Variants in DHX40 observed in about 807,000 individuals in gnomAD.
DHX40 encodes DEAH-box helicase 40.
A neutral mutation model predicts 89.6 loss-of-function variants in DHX40; 28 were observed. That is an observed-to-expected ratio of 0.31 (90% CI 0.23 to 0.43). The LOEUF is 0.43. DHX40 is among the 20% of genes least tolerant of loss of function. DHX40 has a pLI of 1.00. For missense variants in DHX40, 457 were observed against 844.0 expected (o/e 0.54, Z 5.68); for synonymous variants, 226 against 283.6 (o/e 0.80, Z 2.04).
At chr17:59,588,734 A>G (rs1159457727) in intron 12 of DHX40, among the ~76,000 whole-genome samples, 1 of 152,138 alleles carries the variant, frequency 6.6e-6, no homozygotes, top group African/African-American at 2.4e-5. Flanking sequence ...TTTATCTTCT[A>G]ATTGTTTTGA....
rs879820123 is a variant in DHX40, at chr17:59,587,368, C to T, written c.1425-528C>T. On this transcript the variant is annotated intron_variant, in intron 11 of 17. Transcript: ENST00000251241. ...CCTCCCAGGTAGCTGGGATTATAGG[C>T]ATGCACCACCATGCCCAGGTAATTT... 1.9e-4 allele frequency among the ~76,000 whole-genome samples: 28 copies of T among 150,162 alleles called. 1 individual carries two copies. The highest frequency in any genetic ancestry group is 3.4e-3 in the Middle Eastern group (1 of 292).
chr17:59,604,862 G>A (rs2030748162), intron 15 of DHX40: 1 of 367,568 alleles, frequency 2.7e-6, no homozygotes, highest in Admixed American at 4.1e-5. Flanking sequence ...ATAGATTATT[G>A]TTAATATTTG....
chr17:59,589,325 C>T (rs997885365), intron 12 of DHX40, among the ~76,000 whole-genome samples: 6 of 148,262 alleles, frequency 4.0e-5, no homozygotes, highest in East Asian at 2.1e-4. Flanking sequence ...AGATTCGTGC[C>T]GTTCTCTCGC....
At chr17:59,569,713 A>ATATATATAT (rs1023168897) in intron 2 of DHX40, among the ~76,000 whole-genome samples, 2 of 128,182 alleles carry the variant, frequency 1.6e-5, no homozygotes, top group African/African-American at 7.8e-5. Flanking sequence ...ATATATATCT[A>ATATATATAT]TATATATATA....
Position 59,594,129 on chromosome 17 carries a change from AC to A in DHX40, c.1583-4607del, listed in dbSNP as rs563585942. On this transcript the variant is annotated intron_variant, in intron 12 of 17. Coordinates refer to ENST00000251241, the MANE Select transcript of DHX40 (RefSeq NM_024612.5). ...AGAAGGCACAGCTTTGGGCATGAGA[AC>A]AATCTTCTAGAACACCAGGAAGACT... Among the ~76,000 whole-genome samples the A allele has an allele frequency of 1.9e-3, 285 of 152,140 alleles. 1 individual carries two copies. Among genetic ancestry groups the A allele is most frequent in the African/African-American group, 6.6e-3 (273 of 41,494 alleles).
intron 12 of DHX40, among the ~76,000 whole-genome samples, chr17:59,591,205 C>T (rs2049077173): frequency 6.6e-6 from 1 of 151,526 alleles, no homozygotes; most frequent in Non-Finnish European, 1.5e-5. Context: ...ACTGGGGAGG[C>T]TGAGGCGGAG....
rs1331102900 is a variant in DHX40, at chr17:59,575,400, A to G, written c.902A>G (p.Tyr301Cys). ...TTTCAGATGGCAGAGTCTGTTGATT[A>G]TGATTATGATGTTCAAGATACCACC... Reference protein sequence around the residue: ...LLFQMAESVDYDYDVQDTTLD... With the variant: ...LLFQMAESVDCDYDVQDTTLD... The change falls in exon 7 of 18, where the codon TAT becomes TGT. Residue 301 changes from tyrosine (Y) to cysteine (C), a missense_variant. By Grantham distance (194) the Tyr-to-Cys change is radical. Around this residue, in one of 9 missense-constraint regions of DHX40, gnomAD observed 116 missense variants for 188.9 expected, o/e 0.61. Transcript: ENST00000251241. 1.4e-5 allele frequency: 23 copies of G among 1,611,436 alleles called. No individual in the cohort carries two copies. The highest frequency in any genetic ancestry group is 2.0e-5 in the Non-Finnish European group (23 of 1,179,028).
intron 10 of DHX40, among the ~76,000 whole-genome samples, chr17:59,585,863 C>CAT (rs769430880): frequency 0.019 from 2,824 of 149,416 alleles, 41 homozygotes; most frequent in Non-Finnish European, 0.032. Context: ...GTAGACTTGA[C>CAT]AGGCTGTGAA....
At chr17:59,592,663 C>T (rs1296585090) in intron 12 of DHX40, among the ~76,000 whole-genome samples, 1 of 137,760 alleles carries the variant, frequency 7.3e-6, no homozygotes, top group Non-Finnish European at 1.6e-5. Context: ...CTGCAACCTT[C>T]ACTTCCTGGG....
chr17:59,600,605 G>C (rs529301065), intron 14 of DHX40, among the ~76,000 whole-genome samples: 11 of 152,110 alleles, frequency 7.2e-5, no homozygotes, highest in Non-Finnish European at 1.5e-4. Flanking sequence ...CCAATGCTTT[G>C]GGAGGACGAA....
chr17:59,570,210 AT>A lies in DHX40; in HGVS notation c.281-306del, dbSNP rs2048783045. On this transcript the variant is annotated intron_variant, in intron 2 of 17. Coordinates refer to ENST00000251241, the MANE Select transcript of DHX40 (RefSeq NM_024612.5). Reference sequence around the variant, plus strand: ...TAATATATAATATATTATAATATATATTATATATTAAATATATATTAGTATA... The same window carrying A: ...TAATATATAATATATTATAATATATATATATATTAAATATATATTAGTATA... Among the ~76,000 whole-genome samples the A allele has an allele frequency of 3.2e-5, 4 of 123,188 alleles. No homozygotes were observed. In the East Asian group the frequency reaches 8.1e-4, roughly 25 times the overall value. 80.8% of individuals were successfully genotyped at this position (123,188 alleles called of 152,430 possible). A position where few individuals can be genotyped will look rare whatever the true frequency, so the allele number is the denominator to read the frequency against.
Position 59,599,492 on chromosome 17 carries a change from C to T in DHX40, c.1806+9C>T, listed in dbSNP as rs181937148. ...TCAGGAAGCTTAAACAGGTGATTGC[C>T]GTAATGTTTTTTTTCTTGAGTAGCA... On this transcript the variant is annotated intron_variant, in intron 14 of 17. Transcript: ENST00000251241. 1.6e-5 allele frequency: 25 copies of T among 1,608,400 alleles called. 1 individual carries two copies. The Admixed American group carries it at 1.8e-4, about 12-fold the overall frequency.
chr17:59,607,550 T>C lies in DHX40; in HGVS notation c.*378T>C, dbSNP rs964445659. On this transcript the variant is annotated 3_prime_UTR_variant, in exon 18 of 18. Coordinates refer to ENST00000251241, the MANE Select transcript of DHX40 (RefSeq NM_024612.5). ...CCATTTGCATTGAAGCATTAAAAATTATTTTTCTTAAAATCTCTTTAAGGC... is the reference window on the plus strand; with the variant it reads ...CCATTTGCATTGAAGCATTAAAAATCATTTTTCTTAAAATCTCTTTAAGGC... 1 of 464,924 alleles carries C rather than the reference T, an allele frequency of 2.2e-6. No individual in the cohort carries two copies. Among genetic ancestry groups the C allele is most frequent in the African/African-American group, 1.9e-5 (1 of 51,796 alleles). 28.8% of individuals were successfully genotyped at this position (464,924 alleles called of 1,614,324 possible). A position where few individuals can be genotyped will look rare whatever the true frequency, so the allele number is the denominator to read the frequency against.
intron 10 of DHX40, among the ~76,000 whole-genome samples, 179 bp from the exon 11 acceptor site, chr17:59,585,974 A>G (rs1417355739): frequency 2.0e-5 from 3 of 151,758 alleles, no homozygotes; most frequent in African/African-American, 7.3e-5. Flanking sequence ...TGTGATTCAG[A>G]AAAAAATTAT....
intron 14 of DHX40, among the ~76,000 whole-genome samples, chr17:59,600,846 C>CA (rs989955884): frequency 2.7e-4 from 34 of 127,852 alleles, no homozygotes; most frequent in African/African-American, 9.0e-4. Flanking sequence ...CACCCTGTCT[C>CA]AAAAAAATTT....
At position 59,569,184 on chromosome 17, in the gene DHX40, T is replaced by C. The variant is rs562912194; in HGVS notation, c.281-1334T>C. ...TCTCTACTAAAAATACAAAATTAGC[T>C]GGGTGTGGTGGCGCGCACCTGTAAT... On this transcript the variant is annotated intron_variant, in intron 2 of 17. Coordinates refer to ENST00000251241, the MANE Select transcript of DHX40 (RefSeq NM_024612.5). Among the ~76,000 whole-genome samples the C allele has an allele frequency of 5.9e-5, 9 of 152,130 alleles. No individual in the cohort carries two copies. In the South Asian group the frequency reaches 8.3e-4, roughly 14 times the overall value.
At chr17:59,599,826 A>C (rs1286601834) in intron 14 of DHX40, among the ~76,000 whole-genome samples, 66 of 141,434 alleles carry the variant, frequency 4.7e-4, no homozygotes, top group Non-Finnish European at 7.5e-4. Context: ...CCTCCCCCCC[A>C]CCTTTTTTTT....
chr17:59,570,543 T>C lies in DHX40; in HGVS notation c.306T>C (p.Gly102=), dbSNP rs983514463. The change falls in exon 3 of 18, where the codon GGT becomes GGC. Residue 102 remains glycine, a synonymous_variant. Coordinates refer to ENST00000251241, the MANE Select transcript of DHX40 (RefSeq NM_024612.5). The part of the protein sequence containing the change: ...EAGFSQHGMI[G]VTQPRKVAAI... ...GGTTTTCACAACATGGTATGATTGG[T>C]GTAACTCAACCACGAAAAGTAGCTG... 1.9e-6 allele frequency: 3 copies of C among 1,606,838 alleles called. No homozygotes were observed. The highest frequency in any genetic ancestry group is 2.5e-6 in the Non-Finnish European group (3 of 1,176,700).
intron 2 of DHX40, 44 bp downstream of exon 2, chr17:59,566,838 T>C: frequency 6.6e-7 from 1 of 1,509,148 alleles, no homozygotes; most frequent in African/African-American, 1.4e-5. Context: ...TTTAAAAATA[T>C]CCTCTTTTTA....
Sources: allele counts gnomAD v4.1 joint callset (sites outside exome capture counted in the v4.1 genomes callset), GRCh38; gene constraint gnomAD v4.1.1; regional missense constraint gnomAD v4.1.1; transcripts MANE v1.5; gene names NCBI Gene and HGNC (gene_info 2026-07-23, HGNC 2026-07-21).